Variants in CTNND2 observed in about 807,000 individuals in gnomAD.
The protein encoded by CTNND2 is catenin delta-2.
In CTNND2, 22 loss-of-function variants were observed where a neutral mutation model predicts 144.4. The observed-to-expected ratio is 0.15, with a 90% CI of 0.11 to 0.22. The LOEUF is 0.22. Among genes scored for constraint, CTNND2 ranks in the 10% least tolerant of loss-of-function variants. The pLI, the probability that CTNND2 is intolerant of heterozygous loss-of-function variation, is 1.00. For synonymous variants in CTNND2, 751 were observed against 695.6 expected, an observed-to-expected ratio of 1.08 and a Z score of -1.25; for missense variants, 1,353 against 1,618.8, an observed-to-expected ratio of 0.84 and a Z score of 2.82.
intron 16 of CTNND2, among the ~76,000 whole-genome samples, chr5:11,029,725 C>A (rs1364345546): frequency 1.3e-5 from 2 of 152,150 alleles, no homozygotes; most frequent in African/African-American, 4.8e-5. Flanking sequence ...CACAATAATG[C>A]TAGCCTTTAA....
At chr5:11,389,978 C>T (rs1759492582) in intron 6 of CTNND2, among the ~76,000 whole-genome samples, 2 of 152,114 alleles carry the variant, frequency 1.3e-5, no homozygotes, top group Admixed American at 6.5e-5. Flanking sequence ...AGTCCCATCC[C>T]AAGAAATCTC....
intron 10 of CTNND2, among the ~76,000 whole-genome samples, chr5:11,229,474 T>C (rs1204783041): frequency 1.3e-5 from 2 of 152,048 alleles, no homozygotes; most frequent in Admixed American, 1.3e-4. Context: ...CACGCTATGA[T>C]TGCACACCAC....
At chr5:11,294,233 TA>T (rs1748661565) in intron 9 of CTNND2, among the ~76,000 whole-genome samples, 1 of 151,320 alleles carries the variant, frequency 6.6e-6, no homozygotes, top group Non-Finnish European at 1.5e-5. Flanking sequence ...GATGTCGCAG[TA>T]AAAATGATTA....
At chr5:11,806,021 C>T (rs562522229) in intron 1 of CTNND2, among the ~76,000 whole-genome samples, 34 of 152,254 alleles carry the variant, frequency 2.2e-4, no homozygotes, top group South Asian at 6.2e-4. Context: ...CTGACCAATA[C>T]TCCTCAAAAC....
At chr5:11,349,726 T>C (rs1263458327) in intron 8 of CTNND2, among the ~76,000 whole-genome samples, 1 of 152,184 alleles carries the variant, frequency 6.6e-6, no homozygotes, top group African/African-American at 2.4e-5. Context: ...TGCTAACTAA[T>C]TTACACTATT....
rs868861648 is a variant in CTNND2, at chr5:11,317,437, A to G, written c.1628+28935T>C. Among the ~76,000 whole-genome samples the G allele has an allele frequency of 6.6e-5, 10 of 152,200 alleles. No individual in the cohort carries two copies. The South Asian group carries it at 2.1e-3, about 32-fold the overall frequency. The stretch of plus-strand genomic sequence containing the variant: ...GTGCATTCTTGCATGATTTCTAAAT[A>G]TCACTTCTTCCCATTTTGCTTTTTC... On this transcript the variant is annotated intron_variant, in intron 9 of 21. Coordinates refer to ENST00000304623, the MANE Select transcript of CTNND2 (RefSeq NM_001332.4).
chr5:11,716,776 A>G (rs908946112), intron 2 of CTNND2, among the ~76,000 whole-genome samples: 2 of 151,676 alleles, frequency 1.3e-5, no homozygotes, highest in Non-Finnish European at 2.9e-5. Context: ...AACCTCCTCC[A>G]CCTATGTTCA....
intron 20 of CTNND2, among the ~76,000 whole-genome samples, chr5:10,985,404 AT>A (rs1034977128): frequency 2.6e-5 from 4 of 152,204 alleles, no homozygotes; most frequent in Admixed American, 6.5e-5. Context: ...GAAGAATTTT[AT>A]GAGGCTTCAT....
intron 16 of CTNND2, among the ~76,000 whole-genome samples, chr5:11,080,600 A>G (rs191734099): frequency 3.3e-4 from 50 of 152,338 alleles, no homozygotes; most frequent in African/African-American, 1.2e-3. Flanking sequence ...ATAAATGAAT[A>G]AATAAAATAC....
intron 9 of CTNND2, among the ~76,000 whole-genome samples, chr5:11,244,280 ATTTTTTTTTTTT>A (rs11322159): frequency 2.0e-4 from 21 of 104,090 alleles, no homozygotes; most frequent in Non-Finnish European, 3.9e-4. Flanking sequence ...GTCCTATACA[ATTTTTTTTTTTT>A]TTTTTTTTTT....
chr5:11,568,116 G>A (rs1447181415), intron 2 of CTNND2, among the ~76,000 whole-genome samples: 1 of 152,106 alleles, frequency 6.6e-6, no homozygotes, highest in Non-Finnish European at 1.5e-5. Flanking sequence ...TGGCTGGTGG[G>A]TGCTGGCAAA....
intron 3 of CTNND2, among the ~76,000 whole-genome samples, chr5:11,441,113 A>C (rs913084735): frequency 2.6e-5 from 4 of 152,182 alleles, no homozygotes; most frequent in Non-Finnish European, 5.9e-5. Context: ...TTTTGATGTT[A>C]GGCAACATTT....
At chr5:11,122,316 A>C (rs572439139) in intron 12 of CTNND2, among the ~76,000 whole-genome samples, 1 of 152,226 alleles carries the variant, frequency 6.6e-6, no homozygotes, top group East Asian at 1.9e-4. Flanking sequence ...AGTTCAAGAT[A>C]TAAACTTTCT....
intron 1 of CTNND2, among the ~76,000 whole-genome samples, chr5:11,798,529 G>A (rs1006303581): frequency 1.3e-5 from 2 of 152,222 alleles, no homozygotes; most frequent in African/African-American, 4.8e-5. Flanking sequence ...AGAACTCTGG[G>A]AGGCCAAGGC....
At chr5:11,556,800 T>C (rs1776270784) in intron 3 of CTNND2, among the ~76,000 whole-genome samples, 1 of 152,220 alleles carries the variant, frequency 6.6e-6, no homozygotes, top group African/African-American at 2.4e-5. Flanking sequence ...AAGAAAGCAC[T>C]TCCTTATGTG....
intron 1 of CTNND2, among the ~76,000 whole-genome samples, chr5:11,762,529 G>A (rs1158460390): frequency 2.6e-5 from 4 of 152,164 alleles, no homozygotes; most frequent in Non-Finnish European, 5.9e-5. Flanking sequence ...ATTTTGAAAA[G>A]TAAATTAAAG....
intron 13 of CTNND2, among the ~76,000 whole-genome samples, chr5:11,115,263 C>T (rs1242344972): frequency 6.6e-6 from 1 of 152,224 alleles, no homozygotes; most frequent in Non-Finnish European, 1.5e-5. Flanking sequence ...ATGTTTGTGC[C>T]ATGTTGGTTC....
intron 3 of CTNND2, among the ~76,000 whole-genome samples, chr5:11,547,938 C>T (rs11750073): frequency 0.17 from 26,156 of 152,106 alleles, 2,666 homozygotes; most frequent in Admixed American, 0.29. Context: ...ACTCATATGA[C>T]AATGTCCCTA....
intron 15 of CTNND2, among the ~76,000 whole-genome samples, chr5:11,094,480 C>CTTTTT (rs35048441): frequency 1.6e-5 from 2 of 127,874 alleles, no homozygotes; most frequent in African/African-American, 2.8e-5. Context: ...AGAGTTCTTG[C>CTTTTT]TTTTTTTTTT....
Sources: allele counts gnomAD v4.1 joint callset (sites outside exome capture counted in the v4.1 genomes callset), GRCh38; gene constraint gnomAD v4.1.1; transcripts MANE v1.5; gene names NCBI Gene and HGNC (gene_info 2026-07-23, HGNC 2026-07-21).